TLL2: variants seen among roughly 807,000 people sequenced by gnomAD.
TLL2 encodes the protein tolloid-like protein 2.
A neutral mutation model predicts 123.0 loss-of-function variants in TLL2; 106 were observed. That is an observed-to-expected ratio of 0.86 (90% CI 0.74 to 1.01). The LOEUF is 1.01. TLL2 is among the 50% of genes least tolerant of loss of function. The pLI is 0.00. For synonymous variants in TLL2, 494 were observed against 516.8 expected (o/e 0.96, Z 0.60); for missense variants, 1,332 against 1,336.7 (o/e 1.00, Z 0.06).
rs567266496 is a variant in TLL2 at position 96,480,263 on chromosome 10, AC to A, written c.286+85del. 1.2e-4 allele frequency: 134 copies of A among 1,115,964 alleles called. 2 individuals are homozygous for A. The South Asian group carries it at 1.7e-3, about 15-fold the overall frequency. 69.1% of individuals were successfully genotyped at this position (1,115,964 alleles called of 1,614,324 possible). ...GGGGCATTAGACTAGCAAGTCAAAC[AC>A]CGATGACTCGTGGACCACATCTCCC... On this transcript the variant is annotated intron_variant, in intron 2 of 20. Coordinates refer to ENST00000357947, the MANE Select transcript of TLL2 (RefSeq NM_012465.4).
rs766117944 is a variant in TLL2 at position 96,405,238 on chromosome 10, G to T, written c.1261C>A (p.Leu421Ile). Residue 421 changes from leucine (L) to isoleucine (I), a missense_variant, in exon 10 of 21, where the codon CTT (leucine) becomes ATT (isoleucine). Coordinates refer to ENST00000357947, the MANE Select transcript of TLL2 (RefSeq NM_012465.4). Reference sequence around the variant, plus strand: ...GTGTCTAAAGTCAACTTACCCAAAAGGGGGGCTTTTCTCCAGTAACCATCC... The same window carrying T: ...GTGTCTAAAGTCAACTTACCCAAAATGGGGGCTTTTCTCCAGTAACCATCC... ...VRDGYWRKAP[L>I]LGRFCGDKIP... 1 of 1,614,042 alleles carries T rather than the reference G, an allele frequency of 6.2e-7. No individual in the cohort carries two copies. Among genetic ancestry groups the T allele is most frequent in the Admixed American group, 1.7e-5 (1 of 60,018 alleles).
Position 96,433,079 on chromosome 10 carries a change from C to G in TLL2, c.365-117G>C, listed in dbSNP as rs149576320. The G allele has an allele frequency of 2.5e-4, 341 of 1,374,852 alleles. No homozygotes were observed. In the African/African-American group the frequency reaches 4.5e-3, roughly 18 times the overall value. 85.2% of individuals were successfully genotyped at this position (1,374,852 alleles called of 1,614,324 possible). ...GGTGTTAAAACATGTTCCAAAGGGG[C>G]TATTTCATCAGTTCAGGGTTTGGAA... On this transcript the variant is annotated intron_variant, in intron 3 of 20. Transcript: ENST00000357947.
At chr10:96,370,652 G>A (rs1846073546) in intron 19 of TLL2, among the ~76,000 whole-genome samples, 1 of 152,222 alleles carries the variant, frequency 6.6e-6, no homozygotes, top group African/African-American at 2.4e-5. Context: ...GCTGGGATAT[G>A]GGTGGATCTA....
intron 4 of TLL2, among the ~76,000 whole-genome samples, 197 bp downstream of exon 4, chr10:96,432,609 AC>A (rs1846755324): frequency 6.6e-6 from 1 of 152,128 alleles, no homozygotes; most frequent in South Asian, 2.1e-4. Context: ...AACTTTGAGG[AC>A]ATAGCTCCAA....
intron 10 of TLL2, 80 bp from the exon 11 acceptor site, chr10:96,397,382 G>A: frequency 9.0e-7 from 1 of 1,115,978 alleles, no homozygotes; most frequent in Non-Finnish European, 1.3e-6. Flanking sequence ...GGAAGCTGAG[G>A]TTCTTCACAC....
rs144788337 is a variant in TLL2, at chr10:96,365,375, T to A, written c.*2713A>T. 1 of 152,242 alleles carries A rather than the reference T, an allele frequency of 6.6e-6. No individual in the cohort carries two copies. Among genetic ancestry groups the A allele is most frequent in the Admixed American group, 6.5e-5 (1 of 15,290 alleles). The allele number at this position is 152,242 out of a possible 1,614,324, so 9.4% of individuals were successfully genotyped here. ...TCCACTGGCTAAAGTTAATTCCAGA[T>A]TTTTTCCTGCCCTGCAATCCAGGCT... On this transcript the variant is annotated 3_prime_UTR_variant, in exon 21 of 21. Transcript: ENST00000357947.
chr10:96,433,588 G>A (rs908999277), intron 3 of TLL2, among the ~76,000 whole-genome samples: 7 of 152,070 alleles, frequency 4.6e-5, no homozygotes, highest in Non-Finnish European at 8.8e-5. Flanking sequence ...GGAATAGAAC[G>A]CTGAAATCCA....
intron 1 of TLL2, among the ~76,000 whole-genome samples, chr10:96,502,208 G>C (rs1024712921): frequency 5.3e-5 from 8 of 152,154 alleles, no homozygotes; most frequent in African/African-American, 1.7e-4. Flanking sequence ...GTAAGGGGAG[G>C]GAGGCTGAGT....
intron 2 of TLL2, among the ~76,000 whole-genome samples, chr10:96,447,662 T>A (rs1448407021): frequency 1.3e-5 from 2 of 152,206 alleles, no homozygotes. Flanking sequence ...GAGAGACTAT[T>A]ACACACACGA....
intron 9 of TLL2, among the ~76,000 whole-genome samples, chr10:96,408,646 A>C (rs1358496739): frequency 1.3e-5 from 2 of 152,222 alleles, no homozygotes; most frequent in African/African-American, 4.8e-5. Context: ...GATCTCAGAT[A>C]CAAGATGACA....
intron 3 of TLL2, among the ~76,000 whole-genome samples, chr10:96,443,213 A>T (rs994109337): frequency 2.6e-4 from 39 of 152,286 alleles, no homozygotes; most frequent in African/African-American, 8.4e-4. Context: ...TTCTCTCGTG[A>T]AGGAGTAGAA....
intron 16 of TLL2, among the ~76,000 whole-genome samples, chr10:96,381,288 C>T (rs1327181931): frequency 6.6e-6 from 1 of 152,222 alleles, no homozygotes; most frequent in Non-Finnish European, 1.5e-5. Context: ...TAGGCTTCCC[C>T]TGCTCAAGAA....
At chr10:96,476,869 C>CAG (rs1847259579) in intron 2 of TLL2, among the ~76,000 whole-genome samples, 1 of 133,018 alleles carries the variant, frequency 7.5e-6, no homozygotes, top group Non-Finnish European at 1.6e-5. Flanking sequence ...CACACACACA[C>CAG]ACACACACAC....
At chr10:96,438,674 T>G (rs1846821050) in intron 3 of TLL2, among the ~76,000 whole-genome samples, 1 of 152,230 alleles carries the variant, frequency 6.6e-6, no homozygotes, top group Admixed American at 6.5e-5. Flanking sequence ...CTGCAGTGTC[T>G]GGAACTTCCA....
intron 3 of TLL2, among the ~76,000 whole-genome samples, chr10:96,443,327 GAC>G (rs1182485922): frequency 6.6e-6 from 1 of 152,182 alleles, no homozygotes; most frequent in African/African-American, 2.4e-5. Context: ...GCCTTAAATG[GAC>G]TGGCAACTTC....
At chr10:96,465,700 T>A (rs1484040081) in intron 2 of TLL2, among the ~76,000 whole-genome samples, 1 of 152,208 alleles carries the variant, frequency 6.6e-6, no homozygotes, top group African/African-American at 2.4e-5. Context: ...TGGCCCCGTA[T>A]GCATGCTCAA....
intron 1 of TLL2, among the ~76,000 whole-genome samples, chr10:96,499,723 AG>A (rs1254890790): frequency 6.6e-6 from 1 of 152,240 alleles, no homozygotes; most frequent in African/African-American, 2.4e-5. Context: ...TAGTAGGAAA[AG>A]GGTTCCCACT....
intron 1 of TLL2, among the ~76,000 whole-genome samples, chr10:96,500,115 A>AG (rs201880422): frequency 2.8e-4 from 39 of 141,504 alleles, no homozygotes; most frequent in Admixed American, 7.3e-4. Context: ...AAAAAAAAAA[A>AG]AAAAAGAAAA....
intron 1 of TLL2, among the ~76,000 whole-genome samples, chr10:96,496,836 T>C (rs143094234): frequency 6.6e-6 from 1 of 152,288 alleles, no homozygotes; most frequent in African/African-American, 2.4e-5. Flanking sequence ...ACTCAATGGG[T>C]GGTGCTTCTT....
Sources: allele counts gnomAD v4.1 joint callset (sites outside exome capture counted in the v4.1 genomes callset), GRCh38; gene constraint gnomAD v4.1.1; transcripts MANE v1.5; gene names NCBI Gene and HGNC (gene_info 2026-07-23, HGNC 2026-07-21).